The following SPATA13 variants were observed in gnomAD, a reference collection of about 807,000 sequenced individuals.
SPATA13 encodes the protein spermatogenesis associated 13, also known as spermatogenesis-associated protein 13.
In SPATA13, 50 loss-of-function variants were observed where a neutral mutation model predicts 104.0. That is an observed-to-expected ratio of 0.48 (90% CI 0.38 to 0.61). SPATA13 has a LOEUF of 0.61. Ranked by LOEUF, SPATA13 falls within the 20% of genes least tolerant of loss-of-function variation. The pLI, the probability that SPATA13 is intolerant of heterozygous loss-of-function variation, is 0.00. For synonymous variants in SPATA13, 606 were observed against 667.5 expected (o/e 0.91, Z 1.42); for missense variants, 1,524 against 1,690.6 (o/e 0.90, Z 1.73).
At position 24,088,698 on chromosome 13, in the gene SPATA13, G is replaced by T. The variant is rs2137787984; in HGVS notation, c.-112+70997G>T. Among the ~76,000 whole-genome samples, 2 of 152,290 alleles carry T rather than the reference G, an allele frequency of 1.3e-5. No individual in the cohort carries two copies. The highest frequency in any genetic ancestry group is 4.1e-4 in the South Asian group (2 of 4,820). On this transcript the variant is annotated intron_variant, in intron 3 of 14. Coordinates refer to the SPATA13 transcript ENST00000424834. This position sits in a 1 kb window ranked among gnomAD's most constrained non-coding sequence, Gnocchi z 4.3. ...AGAAGGTGTATAGTAGAAACTCAGT[G>T]GCACTCGGGCCCTGCTTCTCACTGA...
At chr13:23,997,165 T>A (rs1448150087) in intron 2 of SPATA13, among the ~76,000 whole-genome samples, 1 of 152,208 alleles carries the variant, frequency 6.6e-6, no homozygotes, top group Non-Finnish European at 1.5e-5. Flanking sequence ...CAACTGAAAA[T>A]ACTGTGAGCA....
chr13:24,173,991 G>A lies in SPATA13; in HGVS notation c.-112+13059G>A, dbSNP rs1883107715. Among the ~76,000 whole-genome samples, 3 of 152,316 alleles carry A rather than the reference G, an allele frequency of 2.0e-5. No individual in the cohort carries two copies. In the South Asian group the frequency reaches 6.2e-4, roughly 32 times the overall value. On this transcript the variant is annotated intron_variant, in intron 1 of 12. Transcript: ENST00000382108. ...ATATCACCTTCATAAAATGAGTCAG[G>A]AAATGTTCCTCTTTCATTTCCCGGA...
intron 3 of SPATA13, among the ~76,000 whole-genome samples, chr13:24,023,045 C>T (rs1163917878): frequency 1.3e-5 from 2 of 152,208 alleles, no homozygotes; most frequent in African/African-American, 4.8e-5. Context: ...ATCCTTCAAC[C>T]CGTCATTTAC....
chr13:24,284,629 A>G (rs981999604), intron 5 of SPATA13, among the ~76,000 whole-genome samples: 2 of 152,160 alleles, frequency 1.3e-5, no homozygotes, highest in East Asian at 1.9e-4. Flanking sequence ...ACACCACTGC[A>G]CTCCAGCCTG....
chr13:24,200,101 C>G (rs1424366114), intron 1 of SPATA13, among the ~76,000 whole-genome samples: 1 of 152,174 alleles, frequency 6.6e-6, no homozygotes, highest in African/African-American at 2.4e-5. Context: ...CTTTGCCAGA[C>G]TTGTACAAAC....
intron 3 of SPATA13, among the ~76,000 whole-genome samples, chr13:24,143,611 T>A (rs1428771575): frequency 6.6e-6 from 1 of 152,186 alleles, no homozygotes; most frequent in East Asian, 1.9e-4. Context: ...GCTTTCCGAC[T>A]CTGCTGCCAG....
chr13:24,289,739 T>C (rs1326319088), intron 8 of SPATA13, among the ~76,000 whole-genome samples: 2 of 152,198 alleles, frequency 1.3e-5, no homozygotes, highest in African/African-American at 2.4e-5. Flanking sequence ...TGTGATAACA[T>C]GCATTTATCA....
At chr13:24,153,576 G>A (rs138496156) in intron 3 of SPATA13, among the ~76,000 whole-genome samples, 5 of 152,318 alleles carry the variant, frequency 3.3e-5, no homozygotes, top group Non-Finnish European at 7.3e-5. Context: ...AGGACACGTG[G>A]TAGAGAGAAT....
At chr13:24,032,068 G>A (rs1438968777) in intron 3 of SPATA13, among the ~76,000 whole-genome samples, 1 of 152,178 alleles carries the variant, frequency 6.6e-6, no homozygotes, top group Non-Finnish European at 1.5e-5. Flanking sequence ...TGGTAAGTCA[G>A]TTTAGTAAGA....
At chr13:24,092,659 C>T (rs568553157) in intron 3 of SPATA13, among the ~76,000 whole-genome samples, 2 of 152,322 alleles carry the variant, frequency 1.3e-5, no homozygotes, top group African/African-American at 4.8e-5. Context: ...TTCTGCTGCC[C>T]TTTGCCTCTA....
intron 3 of SPATA13, among the ~76,000 whole-genome samples, chr13:24,097,330 G>A (rs75359487): frequency 0.039 from 5,880 of 152,208 alleles, 337 homozygotes; most frequent in African/African-American, 0.12. Context: ...TTTCCCCAAG[G>A]TCATGCAACT....
At chr13:24,203,559 G>C (rs1186837145) in intron 1 of SPATA13, among the ~76,000 whole-genome samples, 1 of 152,086 alleles carries the variant, frequency 6.6e-6, no homozygotes, top group Non-Finnish European at 1.5e-5. Flanking sequence ...GGCTCTCTCT[G>C]TTATGTCTAG....
At chr13:24,277,798 T>C (rs1010154137) in intron 4 of SPATA13, among the ~76,000 whole-genome samples, 3 of 152,118 alleles carry the variant, frequency 2.0e-5, no homozygotes, top group African/African-American at 7.2e-5. Flanking sequence ...TCCTTTAAGA[T>C]GGTAAGCGAC....
At chr13:24,236,954 G>A (rs1292070385) in intron 2 of SPATA13, among the ~76,000 whole-genome samples, 1 of 152,172 alleles carries the variant, frequency 6.6e-6, no homozygotes, top group Non-Finnish European at 1.5e-5. Context: ...GTTCATAGCA[G>A]CACTATTCAT....
intron 3 of SPATA13, among the ~76,000 whole-genome samples, chr13:24,020,843 AC>A (rs1471697902): frequency 6.6e-6 from 1 of 152,176 alleles, no homozygotes; most frequent in Non-Finnish European, 1.5e-5. Flanking sequence ...CGAGTTCAAG[AC>A]CAGCCTGGCC....
At chr13:24,123,102 A>G (rs1435986114) in intron 3 of SPATA13, 2 of 1,000,038 alleles carry the variant, frequency 2.0e-6, no homozygotes, top group Admixed American at 1.7e-5. Flanking sequence ...ATATTCACAG[A>G]TCATTTTCTG....
At chr13:24,204,568 T>C (rs1242760059) in intron 1 of SPATA13, among the ~76,000 whole-genome samples, 1 of 152,226 alleles carries the variant, frequency 6.6e-6, no homozygotes, top group Non-Finnish European at 1.5e-5. Context: ...TCTCCCAAAC[T>C]GAATGTCCAT....
intron 2 of SPATA13, among the ~76,000 whole-genome samples, chr13:24,004,568 T>TC (rs903248922): frequency 1.3e-5 from 2 of 152,144 alleles, no homozygotes; most frequent in Admixed American, 6.5e-5. Context: ...AGGTGCTCCT[T>TC]CCTTGGGAGT....
At chr13:24,018,633 G>T (rs139466692) in intron 3 of SPATA13, among the ~76,000 whole-genome samples, 1 of 152,300 alleles carries the variant, frequency 6.6e-6, no homozygotes, top group Non-Finnish European at 1.5e-5. Context: ...CGAGGTGAGC[G>T]CTGCTTGTTT....
Sources: allele counts gnomAD v4.1 joint callset (sites outside exome capture counted in the v4.1 genomes callset), GRCh38; gene constraint gnomAD v4.1.1; non-coding constraint Gnocchi (gnomAD v3.1); transcripts MANE v1.5; gene names NCBI Gene and HGNC (gene_info 2026-07-23, HGNC 2026-07-21).